The following GAS2 variants were observed in gnomAD, a reference collection of about 807,000 sequenced individuals.
GAS2 encodes growth arrest specific 2.
In GAS2, 20 loss-of-function variants were observed where a neutral mutation model predicts 37.5. The ratio of observed to expected loss-of-function variants is 0.53; its 90% CI spans 0.37 to 0.77. The LOEUF (loss-of-function observed/expected upper bound fraction) is 0.77, where lower values mean the gene tolerates loss of function less well. Among genes scored for constraint, GAS2 ranks in the 30% least tolerant of loss-of-function variants. GAS2 has a pLI of 0.00. For synonymous variants in GAS2, 144 were observed against 132.2 expected (o/e 1.09, Z -0.61); for missense variants, 336 against 373.4 (o/e 0.90, Z 0.82).
At chr11:22,695,102 T>A (rs1048082252) in intron 3 of GAS2, among the ~76,000 whole-genome samples, 1 of 151,998 alleles carries the variant, frequency 6.6e-6, no homozygotes, top group African/African-American at 2.4e-5. Context: ...GGTGGATCAC[T>A]TGAGGTCAGG....
intron 6 of GAS2, among the ~76,000 whole-genome samples, chr11:22,752,269 T>C (rs768770903): frequency 6.6e-6 from 1 of 152,036 alleles, no homozygotes; most frequent in African/African-American, 2.4e-5. Context: ...CTAAACTTAT[T>C]TGACCACAGA....
At chr11:22,777,152 G>T (rs1394104816) in intron 7 of GAS2, among the ~76,000 whole-genome samples, 1 of 152,154 alleles carries the variant, frequency 6.6e-6, no homozygotes, top group Non-Finnish European at 1.5e-5. Context: ...AAGACGAGTT[G>T]TTTTATGTGT....
intron 7 of GAS2, among the ~76,000 whole-genome samples, chr11:22,796,640 A>T (rs1331569039): frequency 6.6e-6 from 1 of 152,140 alleles, no homozygotes. Flanking sequence ...CCAGTAGCAA[A>T]GTAATAGTTT....
intron 7 of GAS2, among the ~76,000 whole-genome samples, chr11:22,780,546 AGACTCTGTCTC>A: frequency 7.4e-6 from 1 of 135,186 alleles, no homozygotes. Flanking sequence ...CAACAGAGCA[AGACTCTGTCTC>A]AAAAAAAAAA....
chr11:22,738,125 T>C (rs1852853935), intron 5 of GAS2, among the ~76,000 whole-genome samples: 1 of 152,174 alleles, frequency 6.6e-6, no homozygotes, highest in Non-Finnish European at 1.5e-5. Flanking sequence ...CTCCTTCACC[T>C]CCTTGCTTCC....
intron 7 of GAS2, among the ~76,000 whole-genome samples, chr11:22,773,822 AG>A (rs1333266418): frequency 1.3e-5 from 2 of 152,096 alleles, no homozygotes; most frequent in Non-Finnish European, 1.5e-5. Context: ...CTTCCACAGC[AG>A]GTTATAAAAA....
At position 22,732,711 on chromosome 11, in the gene GAS2, G is replaced by T. The variant is rs1852537572; in HGVS notation, c.410-4994G>T. Among the ~76,000 whole-genome samples the T allele has an allele frequency of 2.6e-5, 4 of 151,334 alleles. No individual in the cohort carries two copies. In the Admixed American group the frequency reaches 2.6e-4, roughly 10 times the overall value. ...GTATCTTATAGATTCCGGCAGGAGA[G>T]AAATGCCTATAATATTTATTAAGGG... On this transcript the variant is annotated intron_variant, in intron 4 of 7. Coordinates refer to ENST00000454584, the MANE Select transcript of GAS2 (RefSeq NM_001143830.3).
At chr11:22,730,290 C>A (rs1327310581) in intron 4 of GAS2, among the ~76,000 whole-genome samples, 1 of 151,690 alleles carries the variant, frequency 6.6e-6, no homozygotes, top group Non-Finnish European at 1.5e-5. Context: ...GGCATGTAAT[C>A]TGAAACATGA....
At chr11:22,702,335 G>C (rs1358090117) in intron 3 of GAS2, 1 of 152,204 alleles carries the variant, frequency 6.6e-6, no homozygotes, top group Non-Finnish European at 1.5e-5. Flanking sequence ...ATTGTGCTGA[G>C]ATTCTTTAGG....
At chr11:22,759,209 A>G (rs1399448678) in intron 7 of GAS2, among the ~76,000 whole-genome samples, 1 of 152,194 alleles carries the variant, frequency 6.6e-6, no homozygotes, top group Admixed American at 6.5e-5. Context: ...TTCTGCAGAG[A>G]ATATCTTTAC....
At chr11:22,763,333 A>G (rs960417441) in intron 7 of GAS2, among the ~76,000 whole-genome samples, 3 of 152,106 alleles carry the variant, frequency 2.0e-5, no homozygotes, top group African/African-American at 4.8e-5. Flanking sequence ...GAACTTGGCA[A>G]TGTCTTCTGG....
chr11:22,782,485 T>TG (rs1855598904), intron 7 of GAS2, among the ~76,000 whole-genome samples: 1 of 152,094 alleles, frequency 6.6e-6, no homozygotes, highest in Non-Finnish European at 1.5e-5. Flanking sequence ...GTGCTGAGGT[T>TG]GGGGTATGAC....
Position 22,787,290 on chromosome 11 carries a change from C to A in GAS2, c.724-24508C>A, listed in dbSNP as rs1462778880. On this transcript the variant is annotated intron_variant, in intron 7 of 7. Transcript: ENST00000454584. ...TCTCTGATCCTTGGCAATTAAACTG[C>A]AAAGGGAGAAAGCAAATATTTTTCT... Among the ~76,000 whole-genome samples the A allele has an allele frequency of 2.0e-5, 3 of 152,154 alleles. 1 individual carries two copies. The South Asian group carries it at 6.2e-4, about 32-fold the overall frequency.
At chr11:22,773,407 T>A (rs1481258108) in intron 7 of GAS2, among the ~76,000 whole-genome samples, 1 of 141,416 alleles carries the variant, frequency 7.1e-6, no homozygotes, top group Non-Finnish European at 1.5e-5. Flanking sequence ...TTTTTTTTTT[T>A]TTTTGAGACA....
chr11:22,696,305 G>C (rs1850512491), intron 3 of GAS2, among the ~76,000 whole-genome samples: 3 of 151,972 alleles, frequency 2.0e-5, no homozygotes, highest in Middle Eastern at 3.4e-3. Flanking sequence ...GTATTCCATG[G>C]TGTATATGTG....
At chr11:22,799,684 C>A (rs914627035) in intron 7 of GAS2, among the ~76,000 whole-genome samples, 1 of 151,996 alleles carries the variant, frequency 6.6e-6, no homozygotes, top group Non-Finnish European at 1.5e-5. Context: ...AACCATTTTA[C>A]CTTTCTCTTT....
At chr11:22,644,610 C>G (rs999780036) in intron 1 of GAS2, among the ~76,000 whole-genome samples, 1 of 152,084 alleles carries the variant, frequency 6.6e-6, no homozygotes, top group Non-Finnish European at 1.5e-5. Flanking sequence ...AAAGCTCCTA[C>G]TCGTTGATTT....
At chr11:22,693,470 A>AT (rs1239993067) in intron 3 of GAS2, among the ~76,000 whole-genome samples, 1 of 151,976 alleles carries the variant, frequency 6.6e-6, no homozygotes, top group African/African-American at 2.4e-5. Flanking sequence ...AGTCACTTTT[A>AT]TTTTTTGCAA....
chr11:22,720,912 A>G (rs1404926622), intron 3 of GAS2, among the ~76,000 whole-genome samples: 1 of 151,986 alleles, frequency 6.6e-6, no homozygotes, highest in African/African-American at 2.4e-5. Flanking sequence ...ATATTTGATT[A>G]TTTGTTTTAA....
Sources: allele counts gnomAD v4.1 joint callset (sites outside exome capture counted in the v4.1 genomes callset), GRCh38; gene constraint gnomAD v4.1.1; transcripts MANE v1.5; gene names NCBI Gene and HGNC (gene_info 2026-07-23, HGNC 2026-07-21).